The following OTUD7B variants were observed in gnomAD, a reference collection of about 807,000 sequenced individuals.
OTUD7B encodes OTU domain-containing protein 7B.
Under a neutral mutation model 82.2 loss-of-function variants are expected in OTUD7B, and 34 were observed. The observed-to-expected ratio is 0.41, with a 90% confidence interval of 0.31 to 0.55. OTUD7B has a LOEUF of 0.55. OTUD7B is among the 20% of genes least tolerant of loss of function. OTUD7B has a pLI of 0.20. For missense variants in OTUD7B, 944 were observed against 1,062.1 expected (o/e 0.89, Z 1.55); for synonymous variants, 398 against 402.7 (o/e 0.99, Z 0.14).
At chr1:149,960,721 A>G (rs1649095080) in intron 6 of OTUD7B, among the ~76,000 whole-genome samples, 1 of 151,626 alleles carries the variant, frequency 6.6e-6, no homozygotes, top group Non-Finnish European at 1.5e-5. Context: ...CCAGCTACCT[A>G]CTGGAGACTG....
intron 7 of OTUD7B, among the ~76,000 whole-genome samples, chr1:149,954,977 A>G (rs192129409): frequency 6.6e-5 from 10 of 152,112 alleles, no homozygotes; most frequent in Non-Finnish European, 7.4e-5. Flanking sequence ...AATTTTGTTG[A>G]TCTTTTCAAA....
At chr1:150,025,658 T>G in the OTUD7B span, among the ~76,000 whole-genome samples, 1 of 152,204 alleles carries the variant, frequency 6.6e-6, no homozygotes. Context: ...AGAAAGGACC[T>G]AAGACTACCT....
chr1:150,029,704 T>A, the OTUD7B span, among the ~76,000 whole-genome samples: 2 of 152,186 alleles, frequency 1.3e-5, no homozygotes, highest in African/African-American at 4.8e-5. Context: ...ATTTTTCATA[T>A]AAGAAACAGA....
intron 6 of OTUD7B, among the ~76,000 whole-genome samples, chr1:149,960,413 T>TTTTTTTTCTG (rs1366020859): frequency 1.4e-5 from 1 of 72,566 alleles, no homozygotes; most frequent in Non-Finnish European, 2.4e-5. Context: ...TTTTTTTTTG[T>TTTTTTTTCTG]AGACAGAGTC....
Position 149,950,219 on chromosome 1 carries a change from AC to A in OTUD7B, c.847del (p.Val283TrpfsTer28), listed in dbSNP as rs1553773072. On this transcript the variant is annotated frameshift_variant and splice_region_variant, in exon 8 of 12. Transcript: ENST00000581312. LOFTEE classifies it high-confidence loss of function. ...LGTNGANCGG[V>X]ESSEEPVYES... ...ATATACAGGCTCCTCAGAACTCTCC[AC>A]CCTGGAACGACGGGAAGGGAGAGAG... 6.2e-7 allele frequency: 1 copy of A among 1,613,894 alleles called. No individual in the cohort carries two copies. Among genetic ancestry groups the A allele is most frequent in the East Asian group, 2.2e-5 (1 of 44,880 alleles).
chr1:149,959,100 TAGTCCC>T (rs1559835935), intron 7 of OTUD7B, among the ~76,000 whole-genome samples: 1 of 151,792 alleles, frequency 6.6e-6, no homozygotes, highest in Non-Finnish European at 1.5e-5. Context: ...CATGCATCTG[TAGTCCC>T]AGCTACTTGG....
the OTUD7B span, among the ~76,000 whole-genome samples, chr1:150,026,727 G>A: frequency 4.0e-3 from 604 of 152,130 alleles, 4 homozygotes; most frequent in African/African-American, 0.014. Context: ...AAGCCAGTAC[G>A]GAAAGAGAAA....
chr1:149,949,506 TA>T, intron 9 of OTUD7B, 122 bp downstream of exon 9: 2 of 1,045,682 alleles, frequency 1.9e-6, no homozygotes, highest in Non-Finnish European at 2.8e-6. Flanking sequence ...TCTGGCTTAA[TA>T]AAACAGTATC....
At chr1:149,951,108 G>A (rs1461382219) in intron 7 of OTUD7B, among the ~76,000 whole-genome samples, 16 of 143,670 alleles carry the variant, frequency 1.1e-4, no homozygotes, top group South Asian at 9.0e-4. Flanking sequence ...TCAGCCTCCC[G>A]AGTAGCTGGG....
the OTUD7B span, among the ~76,000 whole-genome samples, chr1:150,023,126 C>A: frequency 6.6e-6 from 1 of 152,116 alleles, no homozygotes; most frequent in South Asian, 2.1e-4. Flanking sequence ...TAGCTTTTAT[C>A]AAAAACATGA....
At chr1:149,949,487 G>A in intron 9 of OTUD7B, 142 bp downstream of exon 9, 1 of 833,916 alleles carries the variant, frequency 1.2e-6, no homozygotes, top group Non-Finnish European at 1.8e-6. Context: ...TGAAAACTCT[G>A]GCGTAACTTC....
chr1:149,958,322 C>CTTTTTTTT lies in OTUD7B; in HGVS notation c.845+1354_845+1361dup, dbSNP rs34299927. Among the ~76,000 whole-genome samples, 56 of 86,392 alleles carry CTTTTTTTT rather than the reference C, an allele frequency of 6.5e-4. 4 individuals carry two copies. The highest frequency in any genetic ancestry group is 1.1e-3 in the Admixed American group (6 of 5,366). 56.7% of individuals were successfully genotyped at this position (86,392 alleles called of 152,430 possible). ...TATCTCTAAAAACATAAAGGACTAC[C>CTTTTTTTT]TTTTTTTTTTTTTTTTTTTTTTTGA... On this transcript the variant is annotated intron_variant, in intron 7 of 11. Coordinates refer to ENST00000581312, the MANE Select transcript of OTUD7B (RefSeq NM_020205.4).
At chr1:149,983,683 C>T (rs79731933) in intron 1 of OTUD7B, among the ~76,000 whole-genome samples, 5,077 of 152,036 alleles carry the variant, frequency 0.033, 187 homozygotes, top group East Asian at 0.13. Context: ...CTAGTGGACC[C>T]TGTTAAAGAT....
rs1233384504 is a variant in OTUD7B, at chr1:149,950,080, A to G, written c.973+14T>C. 1 of 1,613,514 alleles carries G rather than the reference A, an allele frequency of 6.2e-7. No homozygotes were observed. Among genetic ancestry groups the G allele is most frequent in the Non-Finnish European group, 8.5e-7 (1 of 1,179,964 alleles). On this transcript the variant is annotated intron_variant, in intron 8 of 11. Transcript: ENST00000581312. ...GGTGCTCAGCATGGAGTGAGGACTG[A>G]CTGGCTGACTCACCTTCCCCTCCGG...
chr1:149,949,886 T>G, intron 8 of OTUD7B, 108 bp from the exon 9 acceptor site: 5 of 1,345,176 alleles, frequency 3.7e-6, no homozygotes, highest in Non-Finnish European at 5.1e-6. Context: ...TTCCAACATG[T>G]TTAATAATTC....
At chr1:149,950,975 G>GTTTT (rs1376360627) in intron 7 of OTUD7B, among the ~76,000 whole-genome samples, 10 of 12,248 alleles carry the variant, frequency 8.2e-4, no homozygotes, top group Admixed American at 3.3e-3. Context: ...TGTACTTTTT[G>GTTTT]TATTTTTTTT....
chr1:150,016,452 C>T, the OTUD7B span, among the ~76,000 whole-genome samples: 7,976 of 106,146 alleles, frequency 0.075, 891 homozygotes, highest in African/African-American at 0.14. Context: ...TTTTCTTTTT[C>T]TTTTTTTTTT....
Position 149,959,687 on chromosome 1 carries a change from C to T in OTUD7B, c.842G>A (p.Gly281Asp), listed in dbSNP as rs782170838. 4.4e-6 allele frequency: 7 copies of T among 1,606,260 alleles called. No individual in the cohort carries two copies. Among genetic ancestry groups the T allele is most frequent in the Non-Finnish European group, 6.0e-6 (7 of 1,173,008 alleles). Reference protein sequence around the residue: ...MHLGTNGANCGGVESSEEPVY... With the variant: ...MHLGTNGANCDGVESSEEPVY... ...TCCCCTACTTAGCCATACTTACCCA[C>T]CACAGTTGGCTCCATTGGTACCTAG... The change falls in exon 7 of 12, where the codon GGT (glycine) becomes GAT (aspartate). Residue 281 changes from glycine to aspartate, a missense_variant. Physicochemically the swap from Gly to Asp is moderately conservative, Grantham distance 94 (BLOSUM62 -1). Coordinates refer to ENST00000581312, the MANE Select transcript of OTUD7B (RefSeq NM_020205.4).
the OTUD7B span, among the ~76,000 whole-genome samples, chr1:150,028,823 A>G: frequency 2.0e-5 from 3 of 152,224 alleles, no homozygotes; most frequent in African/African-American, 7.2e-5. Context: ...GGCGTGAGCC[A>G]CCACGCCTGG....
Sources: allele counts gnomAD v4.1 joint callset (sites outside exome capture counted in the v4.1 genomes callset), GRCh38; gene constraint gnomAD v4.1.1; transcripts MANE v1.5; gene names NCBI Gene and HGNC (gene_info 2026-07-23, HGNC 2026-07-21).